Variants in OR5A2 observed in about 807,000 individuals in gnomAD.
The protein encoded by OR5A2 is olfactory receptor family 5 subfamily A member 2, also known as olfactory receptor 5A2.
For missense variants in OR5A2, 406 were observed against 398.9 expected (o/e 1.02, Z -0.15); for synonymous variants, 155 against 151.1 (o/e 1.03, Z -0.19).
rs1207086393 is a variant in OR5A2, at chr11:59,417,158, C to G, written c.*4821G>C. 6.6e-6 allele frequency: 1 copy of G among 151,972 alleles called. No individual in the cohort carries two copies. Among genetic ancestry groups the G allele is most frequent in the African/African-American group, 2.4e-5 (1 of 41,404 alleles). 9.4% of individuals were successfully genotyped at this position (151,972 alleles called of 1,614,324 possible). On this transcript the variant is annotated 3_prime_UTR_variant, in exon 2 of 2. Transcript: ENST00000302040. ...TGAATTCTCTGTTTTTCTATGAGGT[C>G]TCCCCGGGTCCCAGCTGCCGGTTTA... is the stretch of plus-strand genomic sequence containing the variant.
chr11:59,424,920 G>A (rs1031168370), intron 1 of OR5A2: 5 of 152,156 alleles, frequency 3.3e-5, no homozygotes, highest in Admixed American at 3.3e-4. Context: ...GGAAGTAAGA[G>A]GAATTTGGTA....
rs1053531814 is a variant in OR5A2 at position 59,418,817 on chromosome 11, T to A, written c.*3162A>T. On this transcript the variant is annotated 3_prime_UTR_variant, in exon 2 of 2. Transcript: ENST00000302040. ...TGAGAAATTTACCATTACTCGTAGA[T>A]ATATATGTGATTGAACAAGAAAAAT... The A allele has an allele frequency of 2.0e-5, 3 of 152,102 alleles. No homozygotes were observed. The highest frequency in any genetic ancestry group is 4.4e-5 in the Non-Finnish European group (3 of 68,014). The allele number at this position is 152,102 out of a possible 1,614,324, so 9.4% of individuals were successfully genotyped here. A position where few individuals can be genotyped will look rare whatever the true frequency, so the allele number is the denominator to read the frequency against.
In OR5A2 at chr11:59,420,058, T is replaced by A. The variant is rs1350916343; in HGVS notation, c.*1921A>T. 3.3e-5 allele frequency: 5 copies of A among 152,186 alleles called. No individual in the cohort carries two copies. The highest frequency in any genetic ancestry group is 1.3e-4 in the Admixed American group (2 of 15,274). 9.4% of individuals were successfully genotyped at this position (152,186 alleles called of 1,614,324 possible). A position where few individuals can be genotyped will look rare whatever the true frequency, so the allele number is the denominator to read the frequency against. On this transcript the variant is annotated 3_prime_UTR_variant, in exon 2 of 2. Coordinates refer to ENST00000302040, the MANE Select transcript of OR5A2 (RefSeq NM_001001954.2). ...GTTATGCTACAGTCAGATTGTAAAGTAAGTCACTGTATATGGTGTTAAATA... is the reference window on the plus strand; with the variant it reads ...GTTATGCTACAGTCAGATTGTAAAGAAAGTCACTGTATATGGTGTTAAATA...
At position 59,419,569 on chromosome 11, in the gene OR5A2, A is replaced by G. The variant is rs1301252862; in HGVS notation, c.*2410T>C. The G allele has an allele frequency of 1.3e-5, 2 of 152,136 alleles. No homozygotes were observed. The highest frequency in any genetic ancestry group is 2.9e-5 in the Non-Finnish European group (2 of 68,018). 9.4% of individuals were successfully genotyped at this position (152,136 alleles called of 1,614,324 possible). A position where few individuals can be genotyped will look rare whatever the true frequency, so the allele number is the denominator to read the frequency against. ...GGTGGTCGGGGTACAGCTTGGTTTT[A>G]TATATTTTAGGGAAGCATGATACAT... is the stretch of plus-strand genomic sequence containing the variant. On this transcript the variant is annotated 3_prime_UTR_variant, in exon 2 of 2. Transcript: ENST00000302040.
Position 59,421,678 on chromosome 11 carries a change from C to T in OR5A2, c.*301G>A, listed in dbSNP as rs1858221938. ...ATCACCACACTAAATGCTGGACTAA[C>T]ATTTTTTCGATGACTTTCCTCCTAT... is the stretch of plus-strand genomic sequence containing the variant. On this transcript the variant is annotated 3_prime_UTR_variant, in exon 2 of 2. Coordinates refer to ENST00000302040, the MANE Select transcript of OR5A2 (RefSeq NM_001001954.2). The T allele has an allele frequency of 3.6e-6, 1 of 278,360 alleles. No homozygotes were observed. The highest frequency in any genetic ancestry group is 8.3e-5 in the South Asian group (1 of 12,106). 17.2% of individuals were successfully genotyped at this position (278,360 alleles called of 1,614,324 possible).
rs918174670 is a variant in OR5A2, at chr11:59,418,367, T to C, written c.*3612A>G. On this transcript the variant is annotated 3_prime_UTR_variant, in exon 2 of 2. Coordinates refer to ENST00000302040, the MANE Select transcript of OR5A2 (RefSeq NM_001001954.2). ...AAATTAAATCTGTCATTCTGGCTTA[T>C]GCAGATAGCTATTCTGAGCTTGGTT... 6.6e-6 allele frequency: 1 copy of C among 152,186 alleles called. No homozygotes were observed. The highest frequency in any genetic ancestry group is 1.9e-4 in the East Asian group (1 of 5,188). The allele number at this position is 152,186 out of a possible 1,614,324, so 9.4% of individuals were successfully genotyped here. A position where few individuals can be genotyped will look rare whatever the true frequency, so the allele number is the denominator to read the frequency against.
In OR5A2 at chr11:59,421,861, G is replaced by T; in HGVS notation, c.*118C>A. 1 of 1,147,800 alleles carries T rather than the reference G, an allele frequency of 8.7e-7. No homozygotes were observed. Among genetic ancestry groups the T allele is most frequent in the Non-Finnish European group, 1.2e-6 (1 of 818,272 alleles). The allele number at this position is 1,147,800 out of a possible 1,614,324, so 71.1% of individuals were successfully genotyped here. On this transcript the variant is annotated 3_prime_UTR_variant, in exon 2 of 2. Transcript: ENST00000302040. ...AATAGCCAACAGGCAAACTATTAGT[G>T]AAATCTTAAGCAGGAGGGAAAAAAG...
rs1482616680 is a variant in OR5A2, at chr11:59,423,051, G to T, written c.-91-7C>A. On this transcript the variant is annotated splice_polypyrimidine_tract_variant and splice_region_variant and intron_variant, in intron 1 of 1. Coordinates refer to ENST00000302040, the MANE Select transcript of OR5A2 (RefSeq NM_001001954.2). Reference sequence around the variant, plus strand: ...TTGTAAGAGTGGGTATTTCCTAGAAGATCATACAAACAGTCAGCAACAAGT... The same window carrying T: ...TTGTAAGAGTGGGTATTTCCTAGAATATCATACAAACAGTCAGCAACAAGT... 1.9e-5 allele frequency: 23 copies of T among 1,241,110 alleles called. No individual in the cohort carries two copies. Among genetic ancestry groups the T allele is most frequent in the African/African-American group, 3.0e-5 (2 of 65,992 alleles). 76.9% of individuals were successfully genotyped at this position (1,241,110 alleles called of 1,614,324 possible).
In OR5A2 at chr11:59,419,409, G is replaced by A. The variant is rs934760974; in HGVS notation, c.*2570C>T. On this transcript the variant is annotated 3_prime_UTR_variant, in exon 2 of 2. Transcript: ENST00000302040. ...TTATGCATATTCTCACTTAATTGTT[G>A]TATCAATTTTATGGGGTATGTTGAC... 1 of 152,114 alleles carries A rather than the reference G, an allele frequency of 6.6e-6. No homozygotes were observed. Among genetic ancestry groups the A allele is most frequent in the African/African-American group, 2.4e-5 (1 of 41,428 alleles). 9.4% of individuals were successfully genotyped at this position (152,114 alleles called of 1,614,324 possible). A position where few individuals can be genotyped will look rare whatever the true frequency, so the allele number is the denominator to read the frequency against.
Position 59,418,696 on chromosome 11 carries a change from T to C in OR5A2, c.*3283A>G, listed in dbSNP as rs549897539. The C allele has an allele frequency of 6.6e-6, 1 of 152,264 alleles. No individual in the cohort carries two copies. Among genetic ancestry groups the C allele is most frequent in the East Asian group, 1.9e-4 (1 of 5,168 alleles). 9.4% of individuals were successfully genotyped at this position (152,264 alleles called of 1,614,324 possible). A position where few individuals can be genotyped will look rare whatever the true frequency, so the allele number is the denominator to read the frequency against. On this transcript the variant is annotated 3_prime_UTR_variant, in exon 2 of 2. Coordinates refer to ENST00000302040, the MANE Select transcript of OR5A2 (RefSeq NM_001001954.2). ...TCTTACAACCAATCTCCATCTTATG[T>C]ATTACAATTAATGCATATTAATTCT...
In OR5A2 at chr11:59,420,968, C is replaced by T. The variant is rs566201685; in HGVS notation, c.*1011G>A. On this transcript the variant is annotated 3_prime_UTR_variant, in exon 2 of 2. Transcript: ENST00000302040. ...TCTTTTTGTAGTTGATTGAATTGGC[C>T]GAGAGGTTTTTTGTTCAGTCATTAA... The T allele has an allele frequency of 9.2e-5, 14 of 152,136 alleles. No individual in the cohort carries two copies. The South Asian group carries it at 1.9e-3, about 20-fold the overall frequency. 9.4% of individuals were successfully genotyped at this position (152,136 alleles called of 1,614,324 possible).
In OR5A2 at chr11:59,422,750, G is replaced by A; in HGVS notation, c.204C>T (p.Ser68=). Residue 68 remains serine (S), a synonymous_variant, in exon 2 of 2, where the codon TCC becomes TCT. Transcript: ENST00000302040. ...MPMYFFLSNL[S]FLDICYVSST... Reference sequence around the variant, plus strand: ...AGGACACATAGCAGATGTCCAGGAAGGACAGGTTACTGAGGAAGAAGTACA... The same window carrying A: ...AGGACACATAGCAGATGTCCAGGAAAGACAGGTTACTGAGGAAGAAGTACA... 1 of 1,614,128 alleles carries A rather than the reference G, an allele frequency of 6.2e-7. No individual in the cohort carries two copies.
Position 59,419,830 on chromosome 11 carries a change from T to G in OR5A2, c.*2149A>C, listed in dbSNP as rs1355999561. On this transcript the variant is annotated 3_prime_UTR_variant, in exon 2 of 2. Coordinates refer to ENST00000302040, the MANE Select transcript of OR5A2 (RefSeq NM_001001954.2). Reference sequence around the variant, plus strand: ...ACAGCAGACTTCAGAGAGAGCAGGTTGTAAATTGTTTCTTATCAGACTTAA... The same window carrying G: ...ACAGCAGACTTCAGAGAGAGCAGGTGGTAAATTGTTTCTTATCAGACTTAA... 6.6e-6 allele frequency: 1 copy of G among 152,110 alleles called. No homozygotes were observed. Among genetic ancestry groups the G allele is most frequent in the African/African-American group, 2.4e-5 (1 of 41,422 alleles). The allele number at this position is 152,110 out of a possible 1,614,324, so 9.4% of individuals were successfully genotyped here.
Position 59,418,495 on chromosome 11 carries a change from A to C in OR5A2, c.*3484T>G, listed in dbSNP as rs1858183832. On this transcript the variant is annotated 3_prime_UTR_variant, in exon 2 of 2. Coordinates refer to ENST00000302040, the MANE Select transcript of OR5A2 (RefSeq NM_001001954.2). ...AAGTGAATTCTATCTCCAGCTAGCTAGCCCTCCCAGGAAAGAGTTTCACCT... is the reference window on the plus strand; with the variant it reads ...AAGTGAATTCTATCTCCAGCTAGCTCGCCCTCCCAGGAAAGAGTTTCACCT... 1 of 152,092 alleles carries C rather than the reference A, an allele frequency of 6.6e-6. No homozygotes were observed. Among genetic ancestry groups the C allele is most frequent in the Non-Finnish European group, 1.5e-5 (1 of 68,002 alleles). The allele number at this position is 152,092 out of a possible 1,614,324, so 9.4% of individuals were successfully genotyped here.
chr11:59,419,085 G>C lies in OR5A2; in HGVS notation c.*2894C>G, dbSNP rs1858191708. ...TAAGGAAAAGGGGGAGAGGCATCCA[G>C]GTAGCTGATAGAGTTGGCAAAATGG... On this transcript the variant is annotated 3_prime_UTR_variant, in exon 2 of 2. Transcript: ENST00000302040. 6.6e-6 allele frequency: 1 copy of C among 152,138 alleles called. No individual in the cohort carries two copies. Among genetic ancestry groups the C allele is most frequent in the Admixed American group, 6.6e-5 (1 of 15,252 alleles). 9.4% of individuals were successfully genotyped at this position (152,138 alleles called of 1,614,324 possible).
intron 1 of OR5A2, 119 bp downstream of exon 1, chr11:59,426,052 C>T (rs1858299997): frequency 6.6e-6 from 1 of 152,140 alleles, no homozygotes; most frequent in South Asian, 2.1e-4. Flanking sequence ...TCCTAATAGA[C>T]TCAAGAAGTG....
At position 59,421,038 on chromosome 11, in the gene OR5A2, G is replaced by T. The variant is rs919850874; in HGVS notation, c.*941C>A. Reference sequence around the variant, plus strand: ...GCTATAAAAATATTCCTTAGGCTAGGTAATTCATAAAGAGATTTAATTGGC... The same window carrying T: ...GCTATAAAAATATTCCTTAGGCTAGTTAATTCATAAAGAGATTTAATTGGC... On this transcript the variant is annotated 3_prime_UTR_variant, in exon 2 of 2. Coordinates refer to ENST00000302040, the MANE Select transcript of OR5A2 (RefSeq NM_001001954.2). 5.3e-5 allele frequency: 8 copies of T among 152,178 alleles called. No individual in the cohort carries two copies. Among genetic ancestry groups the T allele is most frequent in the African/African-American group, 1.9e-4 (8 of 41,436 alleles). 9.4% of individuals were successfully genotyped at this position (152,178 alleles called of 1,614,324 possible). A position where few individuals can be genotyped will look rare whatever the true frequency, so the allele number is the denominator to read the frequency against.
intron 1 of OR5A2, chr11:59,424,833 C>T (rs1858275839): frequency 6.6e-6 from 1 of 152,172 alleles, no homozygotes; most frequent in Non-Finnish European, 1.5e-5. Context: ...CCTCAAATCA[C>T]TGGTCAAGCA....
rs138374935 is a variant in OR5A2, at chr11:59,422,478, A to G, written c.476T>C (p.Ile159Thr). 1.0e-3 allele frequency: 1,663 copies of G among 1,614,100 alleles called. 24 individuals carry two copies. Among genetic ancestry groups the G allele is most frequent in the Admixed American group, 2.7e-4 (16 of 60,004 alleles). Reference sequence around the variant, plus strand: ...ATGCTGATAGACAGAGTATGTTTCAATGAAAGAACTAAGGAATCCACCCAC... The same window carrying G: ...ATGCTGATAGACAGAGTATGTTTCAGTGAAAGAACTAAGGAATCCACCCAC... ...AYVGGFLSSF[I>T]ETYSVYQHDF... The change falls in exon 2 of 2, where the codon ATT (isoleucine) becomes ACT (threonine). Residue 159 changes from isoleucine to threonine, a missense_variant. Physicochemically the swap from Ile to Thr is moderately conservative, Grantham distance 89. Transcript: ENST00000302040.
Sources: allele counts gnomAD v4.1 joint callset, GRCh38; gene constraint gnomAD v4.1.1; transcripts MANE v1.5; gene names NCBI Gene and HGNC (gene_info 2026-07-23, HGNC 2026-07-21).